Variants in SCAPER observed in about 807,000 individuals in gnomAD.
SCAPER encodes S-phase cyclin A associated protein in the ER.
Under a neutral mutation model 182.2 loss-of-function variants are expected in SCAPER, and 98 were observed. The ratio of observed to expected loss-of-function variants is 0.54; its 90% CI spans 0.46 to 0.64. The LOEUF (loss-of-function observed/expected upper bound fraction) is 0.64. Ranked by LOEUF, SCAPER falls within the 30% of genes least tolerant of loss-of-function variation. The pLI, the probability that SCAPER is intolerant of heterozygous loss-of-function variation, is 0.00. For synonymous variants in SCAPER, 605 were observed against 564.6 expected (o/e 1.07, Z -1.01); for missense variants, 1,432 against 1,690.0 (o/e 0.85, Z 2.68).
Position 76,821,025 on chromosome 15 carries a change from T to C in SCAPER, c.394-16392A>G, listed in dbSNP as rs544019821. Among the ~76,000 whole-genome samples, 5 of 152,264 alleles carry C rather than the reference T, an allele frequency of 3.3e-5. 1 individual carries two copies. The highest frequency in any genetic ancestry group is 9.6e-5 in the African/African-American group (4 of 41,562). The stretch of plus-strand genomic sequence containing the variant: ...AATGGGAACACTCATTTATTGCTAG[T>C]GGGAATGCATAATGGTACAGCTACT... On this transcript the variant is annotated intron_variant, in intron 5 of 31. Coordinates refer to ENST00000563290, the MANE Select transcript of SCAPER (RefSeq NM_020843.4).
chr15:76,811,816 A>T (rs1384753873), intron 5 of SCAPER, among the ~76,000 whole-genome samples: 3 of 151,638 alleles, frequency 2.0e-5, no homozygotes, highest in Admixed American at 6.6e-5. Context: ...AAAATAAAAA[A>T]AATAAAATAA....
intron 24 of SCAPER, among the ~76,000 whole-genome samples, chr15:76,488,249 C>T (rs559752991): frequency 1.3e-5 from 2 of 152,062 alleles, no homozygotes; most frequent in Non-Finnish European, 2.9e-5. Flanking sequence ...ACAGTTCTCT[C>T]TCTTTTCTTT....
chr15:76,736,522 A>G (rs2061276189), intron 15 of SCAPER: 1 of 152,272 alleles, frequency 6.6e-6, no homozygotes. Context: ...TGCTTTATCA[A>G]TTAATTTTAT....
chr15:76,480,081 A>G (rs1318382301), intron 24 of SCAPER, among the ~76,000 whole-genome samples: 1 of 152,228 alleles, frequency 6.6e-6, no homozygotes, highest in East Asian at 1.9e-4. Context: ...GAAGATGATT[A>G]GCAGTTTATA....
intron 23 of SCAPER, among the ~76,000 whole-genome samples, chr15:76,558,424 G>A (rs1597378660): frequency 6.6e-6 from 1 of 152,262 alleles, no homozygotes; most frequent in East Asian, 1.9e-4. Flanking sequence ...GAAATCCATA[G>A]CAATGAGATA....
chr15:76,747,127 T>C (rs2061837390), intron 15 of SCAPER, among the ~76,000 whole-genome samples: 1 of 152,172 alleles, frequency 6.6e-6, no homozygotes, highest in Non-Finnish European at 1.5e-5. Context: ...AAAGCTACAG[T>C]AATCAAAATA....
chr15:76,799,250 A>T (rs1462580747), intron 7 of SCAPER, among the ~76,000 whole-genome samples: 2 of 151,626 alleles, frequency 1.3e-5, no homozygotes, highest in African/African-American at 4.8e-5. Context: ...GATTGAATAT[A>T]TTCCATGTCC....
intron 24 of SCAPER, among the ~76,000 whole-genome samples, chr15:76,481,981 G>A (rs1324431721): frequency 6.6e-6 from 1 of 152,102 alleles, no homozygotes; most frequent in African/African-American, 2.4e-5. Context: ...AGTTGGATCC[G>A]GAGGCTTGAT....
chr15:76,511,944 G>A (rs1173604263), intron 23 of SCAPER, among the ~76,000 whole-genome samples: 3 of 149,776 alleles, frequency 2.0e-5, no homozygotes, highest in Non-Finnish European at 4.4e-5. Flanking sequence ...GTGCAATGGC[G>A]TGATCTCGGC....
At chr15:76,735,249 T>A (rs765773714) in intron 15 of SCAPER, among the ~76,000 whole-genome samples, 1 of 151,940 alleles carries the variant, frequency 6.6e-6, no homozygotes, top group Non-Finnish European at 1.5e-5. Flanking sequence ...GGCATGCAAC[T>A]ATAGTCCTAA....
At chr15:76,379,506 T>C (rs951514754) in intron 28 of SCAPER, among the ~76,000 whole-genome samples, 3 of 152,126 alleles carry the variant, frequency 2.0e-5, no homozygotes, top group African/African-American at 7.2e-5. Context: ...ACCCTGATTT[T>C]GAGAATAGCT....
At chr15:76,846,228 A>T (rs2070068397) in intron 4 of SCAPER, among the ~76,000 whole-genome samples, 1 of 152,170 alleles carries the variant, frequency 6.6e-6, no homozygotes, top group South Asian at 2.1e-4. Context: ...AAGACCTCAA[A>T]CTATGAAATT....
At chr15:76,364,211 A>T (rs1032560498) in intron 29 of SCAPER, among the ~76,000 whole-genome samples, 6 of 152,182 alleles carry the variant, frequency 3.9e-5, no homozygotes, top group African/African-American at 1.4e-4. Context: ...TGCTTCTTCC[A>T]TTAGATGATT....
intron 15 of SCAPER, among the ~76,000 whole-genome samples, chr15:76,735,573 G>A (rs1275205933): frequency 2.6e-5 from 4 of 151,560 alleles, no homozygotes; most frequent in Non-Finnish European, 5.9e-5. Context: ...GTGGCAGCAT[G>A]CCCCTGTAAT....
intron 23 of SCAPER, among the ~76,000 whole-genome samples, chr15:76,556,924 A>T (rs1408765186): frequency 6.6e-6 from 1 of 152,212 alleles, no homozygotes; most frequent in African/African-American, 2.4e-5. Flanking sequence ...GATAAAAGAA[A>T]AATCAATGTA....
chr15:76,503,466 T>C (rs1485016032), intron 24 of SCAPER, among the ~76,000 whole-genome samples: 1 of 152,230 alleles, frequency 6.6e-6, no homozygotes, highest in Non-Finnish European at 1.5e-5. Flanking sequence ...AAATTATCTT[T>C]AATGTCAAAA....
chr15:76,862,905 C>T (rs2071989567), intron 2 of SCAPER, among the ~76,000 whole-genome samples: 1 of 152,142 alleles, frequency 6.6e-6, no homozygotes. Context: ...AAGACCTCTT[C>T]AGCATAAAAT....
intron 5 of SCAPER, among the ~76,000 whole-genome samples, chr15:76,805,306 A>G (rs902622910): frequency 1.3e-5 from 2 of 152,196 alleles, no homozygotes; most frequent in African/African-American, 4.8e-5. Context: ...TTGCTGAGTC[A>G]TATGATAACT....
intron 22 of SCAPER, among the ~76,000 whole-genome samples, chr15:76,618,925 AC>A (rs2051750699): frequency 6.6e-6 from 1 of 151,660 alleles, no homozygotes; most frequent in South Asian, 2.1e-4. Flanking sequence ...GCTCACTGCA[AC>A]CTCCACCTCC....
Sources: gnomAD v4.1 joint callset for allele counts (sites outside exome capture counted in the v4.1 genomes callset) on GRCh38, gnomAD v4.1.1 for gene constraint, MANE v1.5 for transcripts, NCBI Gene and HGNC (gene_info 2026-07-23, HGNC 2026-07-21) for gene names.